The following PKN2 variants were observed in gnomAD, a reference collection of about 807,000 sequenced individuals.
PKN2 encodes serine/threonine-protein kinase N2.
A neutral mutation model predicts 119.1 loss-of-function variants in PKN2; 38 were observed. The observed-to-expected ratio is 0.32, with a 90% CI of 0.25 to 0.42. The LOEUF is 0.42. Ranked by LOEUF, PKN2 falls within the 10% of genes least tolerant of loss-of-function variation. PKN2 has a pLI of 1.00. For missense variants in PKN2, 850 were observed against 1,165.1 expected (o/e 0.73, Z 3.94); for synonymous variants, 390 against 384.9 (o/e 1.01, Z -0.15).
At chr1:88,810,999 T>C (rs926718128) in intron 15 of PKN2, among the ~76,000 whole-genome samples, 2 of 152,224 alleles carry the variant, frequency 1.3e-5, no homozygotes, top group Non-Finnish European at 2.9e-5. Flanking sequence ...CCTTTTTTAA[T>C]AAATCATAGA....
intron 15 of PKN2, 111 bp from the exon 16 acceptor site, chr1:88,813,446 T>TAA: frequency 1.4e-6 from 1 of 704,852 alleles, no homozygotes; most frequent in South Asian, 2.1e-5. Context: ...TTAGGATTTT[T>TAA]AAGTTATAGT....
chr1:88,794,413 C>T (rs1258111438), intron 8 of PKN2, among the ~76,000 whole-genome samples: 2 of 151,380 alleles, frequency 1.3e-5, no homozygotes, highest in African/African-American at 4.9e-5. Flanking sequence ...CACCAGTTCT[C>T]TTGTTGTCCT....
In PKN2 at chr1:88,834,422, G is replaced by A. The variant is rs1160187399; in HGVS notation, c.*974G>A. 1 of 152,392 alleles carries A rather than the reference G, an allele frequency of 6.6e-6. No homozygotes were observed. Among genetic ancestry groups the A allele is most frequent in the Non-Finnish European group, 1.5e-5 (1 of 67,950 alleles). The allele number at this position is 152,392 out of a possible 1,614,324, so 9.4% of individuals were successfully genotyped here. The stretch of plus-strand genomic sequence containing the variant: ...ATACATGCTGTGAACATGTATATGT[G>A]CAAGTTTTAATGTATTCTATGTTGT... On this transcript the variant is annotated 3_prime_UTR_variant, in exon 22 of 22. Transcript: ENST00000370521.
chr1:88,798,447 G>T (rs376561084), intron 8 of PKN2, among the ~76,000 whole-genome samples: 2 of 152,106 alleles, frequency 1.3e-5, no homozygotes, highest in Admixed American at 6.6e-5. Flanking sequence ...GGGGAAACGT[G>T]GAGATGAAAC....
intron 19 of PKN2, among the ~76,000 whole-genome samples, chr1:88,832,537 T>A (rs977138982): frequency 3.3e-5 from 5 of 152,076 alleles, no homozygotes; most frequent in African/African-American, 1.2e-4. Flanking sequence ...GTGTATTCCC[T>A]CTGTAATAGA....
At chr1:88,689,019 A>G (rs1666227630) in intron 1 of PKN2, among the ~76,000 whole-genome samples, 1 of 152,216 alleles carries the variant, frequency 6.6e-6, no homozygotes, top group African/African-American at 2.4e-5. Context: ...CTGGTAGTTT[A>G]CTCATTTAAT....
At chr1:88,703,830 T>G (rs1349214417) in intron 1 of PKN2, among the ~76,000 whole-genome samples, 1 of 152,172 alleles carries the variant, frequency 6.6e-6, no homozygotes, top group Non-Finnish European at 1.5e-5. Flanking sequence ...TTTACTATCA[T>G]TAAGTAGAGG....
At chr1:88,752,580 A>C (rs1669046190) in intron 2 of PKN2, among the ~76,000 whole-genome samples, 1 of 152,136 alleles carries the variant, frequency 6.6e-6, no homozygotes, top group Non-Finnish European at 1.5e-5. Flanking sequence ...TGTTCCACAT[A>C]ATTGAACACC....
intron 8 of PKN2, among the ~76,000 whole-genome samples, chr1:88,797,959 A>G (rs1046574607): frequency 1.3e-5 from 2 of 152,262 alleles, no homozygotes; most frequent in South Asian, 2.1e-4. Flanking sequence ...TATTCTATAA[A>G]TAAATGCACA....
chr1:88,746,050 A>G (rs1668756142), intron 2 of PKN2, among the ~76,000 whole-genome samples: 1 of 152,174 alleles, frequency 6.6e-6, no homozygotes, highest in African/African-American at 2.4e-5. Flanking sequence ...ATGAACCTTT[A>G]TCTTACCCTT....
intron 2 of PKN2, among the ~76,000 whole-genome samples, chr1:88,743,395 G>A (rs551054762): frequency 1.3e-5 from 2 of 152,154 alleles, no homozygotes; most frequent in South Asian, 2.1e-4. Context: ...ATAGGAACCC[G>A]CTGATCCATC....
chr1:88,808,242 C>T (rs1053172939), intron 15 of PKN2, among the ~76,000 whole-genome samples: 1 of 151,850 alleles, frequency 6.6e-6, no homozygotes, highest in Admixed American at 6.6e-5. Context: ...TTTTTTGACC[C>T]TAACGTCTGG....
chr1:88,692,795 G>A (rs1187624197), intron 1 of PKN2, among the ~76,000 whole-genome samples: 3 of 151,676 alleles, frequency 2.0e-5, no homozygotes, highest in South Asian at 2.1e-4. Context: ...TAACTTTTTC[G>A]CTTTCTTTTA....
intron 1 of PKN2, among the ~76,000 whole-genome samples, chr1:88,702,820 A>G (rs1666824365): frequency 6.6e-6 from 1 of 152,170 alleles, no homozygotes; most frequent in African/African-American, 2.4e-5. Flanking sequence ...CACCTTTGGG[A>G]GAATTAGATT....
rs1672106562 is a variant in PKN2, at chr1:88,818,499, TTAGA to T, written c.2280-3438_2280-3435del. Among the ~76,000 whole-genome samples, 3 of 151,684 alleles carry T rather than the reference TTAGA, an allele frequency of 2.0e-5. No individual in the cohort carries two copies. The South Asian group carries it at 6.3e-4, about 32-fold the overall frequency. On this transcript the variant is annotated intron_variant, in intron 16 of 21. Coordinates refer to ENST00000370521, the MANE Select transcript of PKN2 (RefSeq NM_006256.4). Reference sequence around the variant, plus strand: ...CCCGTCTCTACTAAAAATACAAAAATTAGATAGGCATGGTGGTACACGCCTGTAA... The same window carrying T: ...CCCGTCTCTACTAAAAATACAAAAATTAGGCATGGTGGTACACGCCTGTAA...
chr1:88,807,163 A>G (rs938651320), intron 12 of PKN2, 150 bp from the exon 13 acceptor site: 4 of 599,180 alleles, frequency 6.7e-6, no homozygotes, highest in African/African-American at 2.0e-5. Flanking sequence ...AAAAGAAAAA[A>G]AAATTTTTTT....
intron 2 of PKN2, among the ~76,000 whole-genome samples, chr1:88,744,921 T>C (rs1668713397): frequency 6.6e-6 from 1 of 152,212 alleles, no homozygotes; most frequent in Non-Finnish European, 1.5e-5. Flanking sequence ...TAGTAGGAAA[T>C]GAATTTTTTA....
At chr1:88,726,262 T>A (rs1255791206) in intron 1 of PKN2, among the ~76,000 whole-genome samples, 2 of 152,204 alleles carry the variant, frequency 1.3e-5, no homozygotes, top group East Asian at 3.8e-4. Flanking sequence ...AATGCCGATC[T>A]TGGGGAAAAG....
intron 16 of PKN2, 32 bp downstream of exon 16, chr1:88,813,765 T>G: frequency 6.7e-7 from 1 of 1,488,752 alleles, no homozygotes; most frequent in Non-Finnish European, 9.0e-7. Context: ...GTCTGAGTTT[T>G]TCCATGACTG....
Sources: allele counts gnomAD v4.1 joint callset (sites outside exome capture counted in the v4.1 genomes callset), GRCh38; gene constraint gnomAD v4.1.1; transcripts MANE v1.5; gene names NCBI Gene and HGNC (gene_info 2026-07-23, HGNC 2026-07-21).